PCDHA3: variants seen among roughly 807,000 people sequenced by gnomAD.
The protein encoded by PCDHA3 is protocadherin alpha-3.
In PCDHA3, 41 loss-of-function variants were observed where a neutral mutation model predicts 62.2. The observed-to-expected ratio is 0.66, with a 90% confidence interval of 0.51 to 0.86. The LOEUF (loss-of-function observed/expected upper bound fraction) is 0.86. Ranked by LOEUF, PCDHA3 falls within the 40% of genes least tolerant of loss-of-function variation. The probability of loss-of-function intolerance (pLI) is 0.00; values close to 1 mark genes in which losing one functional copy is unlikely to be tolerated. For synonymous variants in PCDHA3, 640 were observed against 555.4 expected, an observed-to-expected ratio of 1.15 and a Z score of -2.14; for missense variants, 1,304 against 1,241.2, an observed-to-expected ratio of 1.05 and a Z score of -0.76.
intron 1 of PCDHA3, chr5:140,808,734 A>C: frequency 6.2e-7 from 1 of 1,612,162 alleles, no homozygotes; most frequent in South Asian, 1.1e-5. Context: ...GAGAGCGGCA[A>C]GGTGTACGCG....
intron 1 of PCDHA3, among the ~76,000 whole-genome samples, chr5:140,894,254 A>G (rs566555133): frequency 6.6e-6 from 1 of 152,128 alleles, no homozygotes; most frequent in Admixed American, 6.5e-5. Flanking sequence ...TCTTTTCTTT[A>G]CAAGTGGTAG....
intron 1 of PCDHA3, chr5:140,928,860 G>A: frequency 1.2e-6 from 2 of 1,614,154 alleles, no homozygotes; most frequent in Non-Finnish European, 1.7e-6. Flanking sequence ...GTGTGCTGTT[G>A]AGCAACTCTG....
At chr5:140,928,120 G>A (rs368067553) in intron 1 of PCDHA3, 5 of 1,614,062 alleles carry the variant, frequency 3.1e-6, no homozygotes, top group African/African-American at 1.3e-5. Context: ...GCAGATCAGT[G>A]AATACCAAGT....
chr5:140,944,097 A>G lies in PCDHA3; in HGVS notation c.2395-34852A>G, dbSNP rs2093609741. On this transcript the variant is annotated intron_variant, in intron 1 of 3. Coordinates refer to ENST00000522353, the MANE Select transcript of PCDHA3 (RefSeq NM_018906.3). ...ATAAAGGAGGCCTGAGTAAGTTTAT[A>G]TCTCATGGGAAAATGGTACCAGAGA... is the stretch of plus-strand genomic sequence containing the variant. Among the ~76,000 whole-genome samples, 3 of 152,244 alleles carry G rather than the reference A, an allele frequency of 2.0e-5. No individual in the cohort carries two copies. In the South Asian group the frequency reaches 6.2e-4, roughly 31 times the overall value.
At chr5:140,923,151 T>A (rs1239888412) in intron 1 of PCDHA3, among the ~76,000 whole-genome samples, 3 of 152,108 alleles carry the variant, frequency 2.0e-5, no homozygotes, top group Non-Finnish European at 4.4e-5. Context: ...ATAAAAAAAA[T>A]TATAGAAAGA....
chr5:140,870,726 G>A (rs782321328), intron 1 of PCDHA3: 15 of 1,613,118 alleles, frequency 9.3e-6, no homozygotes, highest in East Asian at 2.2e-5. Flanking sequence ...ATGCGGGCGT[G>A]CCGCCTCTGA....
intron 1 of PCDHA3, chr5:140,875,198 G>A: frequency 7.2e-6 from 4 of 552,228 alleles, no homozygotes; most frequent in Non-Finnish European, 1.1e-5. Flanking sequence ...GACCCAGGAA[G>A]TGGCTAAACC....
At chr5:140,807,611 A>T (rs782442126) in intron 1 of PCDHA3, 2 of 1,614,226 alleles carry the variant, frequency 1.2e-6, no homozygotes, top group South Asian at 2.2e-5. Context: ...GAACCTGTCC[A>T]TCGCGGAATC....
At chr5:140,820,923 T>A (rs1330158665) in intron 1 of PCDHA3, among the ~76,000 whole-genome samples, 1 of 152,092 alleles carries the variant, frequency 6.6e-6, no homozygotes, top group Non-Finnish European at 1.5e-5. Context: ...TGCTTTTGAT[T>A]TCTAGAAAGC....
In PCDHA3 at chr5:140,978,987, C is replaced by T; in HGVS notation, c.2433C>T (p.Ser811=). 4 of 1,614,162 alleles carry T rather than the reference C, an allele frequency of 2.5e-6. No homozygotes were observed. In the South Asian group the frequency reaches 3.3e-5, roughly 13 times the overall value. The change falls in exon 2 of 4, where the codon TCC becomes TCT. Residue 811 remains serine (S), a synonymous_variant. Transcript: ENST00000522353. ...QPNPDWRYSA[S]LRAGMHSSVH... ...ACCCTGACTGGCGTTACTCTGCCTC[C>T]CTGAGAGCAGGCATGCACAGGTATG...
At chr5:140,977,097 G>T (rs988046010) in intron 1 of PCDHA3, among the ~76,000 whole-genome samples, 2 of 152,222 alleles carry the variant, frequency 1.3e-5, no homozygotes, top group African/African-American at 4.8e-5. Flanking sequence ...GTGTCATTGG[G>T]GAAGTGAGAT....
intron 1 of PCDHA3, chr5:140,808,438 C>A (rs7702779): frequency 2.5e-6 from 4 of 1,614,044 alleles, no homozygotes; most frequent in Non-Finnish European, 3.4e-6. Context: ...ACCGCGAGAG[C>A]GTGTCAGCCT....
intron 1 of PCDHA3, chr5:140,884,564 A>C: frequency 6.2e-7 from 1 of 1,614,118 alleles, no homozygotes; most frequent in Non-Finnish European, 8.5e-7. Flanking sequence ...GGGCCCGCAT[A>C]AGACGGACCT....
At chr5:140,967,844 G>A in intron 1 of PCDHA3, 1 of 1,614,178 alleles carries the variant, frequency 6.2e-7, no homozygotes, top group Non-Finnish European at 8.5e-7. Flanking sequence ...GGACGTGAAT[G>A]ACAATGCCCC....
intron 3 of PCDHA3, among the ~76,000 whole-genome samples, chr5:140,998,396 T>A (rs2097810780): frequency 6.6e-6 from 1 of 152,212 alleles, no homozygotes. Flanking sequence ...ATGCCATCTT[T>A]ATGCCAAAGT....
chr5:140,832,599 G>A (rs1554133577), intron 1 of PCDHA3, among the ~76,000 whole-genome samples: 2 of 152,148 alleles, frequency 1.3e-5, no homozygotes, highest in Non-Finnish European at 2.9e-5. Context: ...GAACTATAGC[G>A]TTGCTAGTGA....
intron 1 of PCDHA3, among the ~76,000 whole-genome samples, chr5:140,906,179 C>G (rs2072430767): frequency 1.3e-5 from 2 of 152,172 alleles, no homozygotes; most frequent in African/African-American, 4.8e-5. Flanking sequence ...TACTTTGCAT[C>G]CTTCAATCCA....
intron 1 of PCDHA3, chr5:140,808,484 C>T (rs782078802): frequency 6.2e-7 from 1 of 1,614,170 alleles, no homozygotes; most frequent in East Asian, 2.2e-5. Flanking sequence ...CGGGGGCTCG[C>T]CTTCGCTGTG....
At chr5:140,842,303 C>T (rs1554138957) in intron 1 of PCDHA3, 2 of 1,608,454 alleles carry the variant, frequency 1.2e-6, no homozygotes, top group Non-Finnish European at 1.7e-6. Context: ...CAAAGGCCAT[C>T]CTCCCATGGC....
Sources: allele counts gnomAD v4.1 joint callset (sites outside exome capture counted in the v4.1 genomes callset), GRCh38; gene constraint gnomAD v4.1.1; transcripts MANE v1.5; gene names NCBI Gene and HGNC (gene_info 2026-07-23, HGNC 2026-07-21).